Variants in KCNH7 observed in about 807,000 individuals in gnomAD.
KCNH7 encodes the protein voltage-gated inwardly rectifying potassium channel KCNH7.
Under a neutral mutation model 120.8 loss-of-function variants are expected in KCNH7, and 49 were observed. That is an observed-to-expected ratio of 0.41 (90% CI 0.32 to 0.51). The LOEUF is 0.51. Ranked by LOEUF, KCNH7 falls within the 20% of genes least tolerant of loss-of-function variation. The pLI, the probability that KCNH7 is intolerant of heterozygous loss-of-function variation, is 0.38. For missense variants in KCNH7, 1,097 were observed against 1,446.6 expected, an observed-to-expected ratio of 0.76 and a Z score of 3.92; for synonymous variants, 547 against 516.1, an observed-to-expected ratio of 1.06 and a Z score of -0.81.
At chr2:162,526,491 C>T (rs145717091) in intron 3 of KCNH7, among the ~76,000 whole-genome samples, 5 of 151,684 alleles carry the variant, frequency 3.3e-5, no homozygotes, top group African/African-American at 1.2e-4. Context: ...CGCCGCCCCC[C>T]CGAAGCAGCC....
At chr2:162,593,909 TG>T (rs1694293408) in intron 2 of KCNH7, among the ~76,000 whole-genome samples, 1 of 152,000 alleles carries the variant, frequency 6.6e-6, no homozygotes, top group African/African-American at 2.4e-5. Flanking sequence ...TTCATTCAAA[TG>T]TTGCATATTC....
At chr2:162,505,644 T>A (rs1405708830) in intron 5 of KCNH7, among the ~76,000 whole-genome samples, 2 of 151,880 alleles carry the variant, frequency 1.3e-5, no homozygotes, top group Non-Finnish European at 1.5e-5. Context: ...ATGAGCAATA[T>A]TACGTACACT....
At chr2:162,642,630 G>A (rs951276310) in intron 2 of KCNH7, among the ~76,000 whole-genome samples, 3 of 152,188 alleles carry the variant, frequency 2.0e-5, no homozygotes, top group African/African-American at 4.8e-5. Context: ...GTTATAGAGC[G>A]TCTTTCATTT....
intron 2 of KCNH7, among the ~76,000 whole-genome samples, chr2:162,613,657 A>G (rs1683045696): frequency 6.6e-6 from 1 of 151,992 alleles, no homozygotes; most frequent in South Asian, 2.1e-4. Flanking sequence ...ATTGCTCAAA[A>G]GGTATTGGGG....
At chr2:162,650,176 T>C (rs2105257058) in intron 2 of KCNH7, among the ~76,000 whole-genome samples, 1 of 152,274 alleles carries the variant, frequency 6.6e-6, no homozygotes, top group African/African-American at 2.4e-5. Context: ...TGGCACATGG[T>C]AGTAATTTGG....
chr2:162,699,186 T>C (rs538346721), intron 2 of KCNH7, among the ~76,000 whole-genome samples: 8 of 152,210 alleles, frequency 5.3e-5, no homozygotes, highest in South Asian at 4.1e-4. Flanking sequence ...ATTCCTCTTA[T>C]GTAACTGAAA....
At chr2:162,651,310 A>G (rs1173223810) in intron 2 of KCNH7, among the ~76,000 whole-genome samples, 6 of 152,140 alleles carry the variant, frequency 3.9e-5, no homozygotes, top group Admixed American at 3.9e-4. Context: ...TATTTCATCA[A>G]CCAGGCATTA....
Position 162,371,986 on chromosome 2 carries a change from T to C in KCNH7, c.3434A>G (p.Lys1145Arg), listed in dbSNP as rs762417294. Residue 1145 changes from lysine to arginine, a missense_variant, in exon 16 of 16, where the codon AAA becomes AGA. Lys to Arg is a conservative substitution (Grantham distance 26, BLOSUM62 2). Around this residue, in one of 8 missense-constraint regions of KCNH7, gnomAD observed 406 missense variants for 410.5 expected, o/e 0.99. Transcript: ENST00000332142. ...CTCTAAAGAGAGATCACTGTCTTGT[T>C]TTAAAAGTGAAGTCAAGTTGTCTTC... ...ASEDNLTSLL[K>R]QDSDLSLELH... 1 of 1,613,868 alleles carries C rather than the reference T, an allele frequency of 6.2e-7. No individual in the cohort carries two copies. The highest frequency in any genetic ancestry group is 2.2e-5 in the East Asian group (1 of 44,832).
intron 2 of KCNH7, among the ~76,000 whole-genome samples, chr2:162,788,945 C>T (rs1006233159): frequency 7.0e-6 from 1 of 142,632 alleles, no homozygotes; most frequent in Admixed American, 7.3e-5. Flanking sequence ...CAGCAGAAAC[C>T]TTGATGCCAG....
intron 3 of KCNH7, among the ~76,000 whole-genome samples, chr2:162,525,919 C>G (rs1391359406): frequency 6.6e-6 from 1 of 151,728 alleles, no homozygotes; most frequent in Non-Finnish European, 1.5e-5. Flanking sequence ...CATTAACATC[C>G]ATGTTAATGA....
At chr2:162,605,977 C>T (rs1682748820) in intron 2 of KCNH7, among the ~76,000 whole-genome samples, 1 of 151,962 alleles carries the variant, frequency 6.6e-6, no homozygotes, top group Non-Finnish European at 1.5e-5. Context: ...TATGCCAAGA[C>T]TTTTTGTATT....
rs74536975 is a variant in KCNH7 at position 162,612,019 on chromosome 2, T to G, written c.308-74939A>C. Among the ~76,000 whole-genome samples the G allele has an allele frequency of 4.5e-3, 684 of 152,282 alleles. 7 individuals are homozygous for G. Among genetic ancestry groups the G allele is most frequent in the African/African-American group, 0.016 (653 of 41,564 alleles). On this transcript the variant is annotated intron_variant, in intron 2 of 15. Coordinates refer to ENST00000332142, the MANE Select transcript of KCNH7 (RefSeq NM_033272.4). ...GTATGACCAATATAAAGGATAGAAT[T>G]TCACTTCTATTTTCAGCATTATGGT...
At position 162,560,056 on chromosome 2, in the gene KCNH7, C is replaced by T. The variant is rs550349761; in HGVS notation, c.308-22976G>A. 3.9e-5 allele frequency among the ~76,000 whole-genome samples: 6 copies of T among 152,304 alleles called. 1 individual carries two copies. The highest frequency in any genetic ancestry group is 1.4e-4 in the African/African-American group (6 of 41,572). On this transcript the variant is annotated intron_variant, in intron 2 of 15. Coordinates refer to ENST00000332142, the MANE Select transcript of KCNH7 (RefSeq NM_033272.4). ...ACCTATATGTTTGTCTGTGATGAAG[C>T]TGTCTCTCTTTGGTGATAAACTTCG...
At chr2:162,436,004 C>T (rs1038922705) in intron 7 of KCNH7, among the ~76,000 whole-genome samples, 2 of 152,088 alleles carry the variant, frequency 1.3e-5, no homozygotes, top group African/African-American at 4.8e-5. Flanking sequence ...AGCTATTTAA[C>T]AGACAAAGTG....
At chr2:162,837,733 C>T (rs752567670) in intron 1 of KCNH7, among the ~76,000 whole-genome samples, 3 of 152,134 alleles carry the variant, frequency 2.0e-5, no homozygotes, top group African/African-American at 7.2e-5. Context: ...CACATGAGAA[C>T]ATTAAATTTC....
chr2:162,695,928 A>T (rs983571340), intron 2 of KCNH7, among the ~76,000 whole-genome samples: 2 of 152,194 alleles, frequency 1.3e-5, no homozygotes, highest in East Asian at 3.9e-4. Flanking sequence ...AAAACAACAA[A>T]AAAGAAGCTG....
At chr2:162,421,015 T>C (rs1017587884) in intron 9 of KCNH7, among the ~76,000 whole-genome samples, 4 of 152,208 alleles carry the variant, frequency 2.6e-5, no homozygotes, top group Non-Finnish European at 4.4e-5. Flanking sequence ...TCATAAGTAG[T>C]GCTTAACAAG....
intron 1 of KCNH7, 117 bp from the exon 2 acceptor site, chr2:162,836,884 T>C: frequency 1.5e-6 from 1 of 662,828 alleles, no homozygotes; most frequent in Non-Finnish European, 2.6e-6. Flanking sequence ...CCCAAATTAC[T>C]AATCTCTCCA....
chr2:162,442,551 G>T (rs1688456691), intron 7 of KCNH7, among the ~76,000 whole-genome samples: 1 of 152,008 alleles, frequency 6.6e-6, no homozygotes, highest in Non-Finnish European at 1.5e-5. Flanking sequence ...CATCTATGAT[G>T]CTTTGATGGA....
Sources: allele counts gnomAD v4.1 joint callset (sites outside exome capture counted in the v4.1 genomes callset), GRCh38; gene constraint gnomAD v4.1.1; regional missense constraint gnomAD v4.1.1; transcripts MANE v1.5; gene names NCBI Gene and HGNC (gene_info 2026-07-23, HGNC 2026-07-21).